Variants in MARK2 observed in about 807,000 individuals in gnomAD.
The protein encoded by MARK2 is serine/threonine-protein kinase MARK2.
In MARK2, 16 loss-of-function variants were observed where a neutral mutation model predicts 89.8. The observed-to-expected ratio is 0.18, with a 90% confidence interval of 0.12 to 0.27. The LOEUF is 0.27. MARK2 is among the 10% of genes least tolerant of loss of function. The pLI, the probability that MARK2 is intolerant of heterozygous loss-of-function variation, is 1.00. For synonymous variants in MARK2, 382 were observed against 399.5 expected, an observed-to-expected ratio of 0.96 and a Z score of 0.52; for missense variants, 621 against 1,049.9, an observed-to-expected ratio of 0.59 and a Z score of 5.65.
intron 1 of MARK2, among the ~76,000 whole-genome samples, chr11:63,878,765 G>A (rs967512948): frequency 3.3e-5 from 5 of 151,990 alleles, no homozygotes; most frequent in Admixed American, 1.3e-4. Flanking sequence ...ATCTGTTCCC[G>A]GGTCCTGAGT....
rs370774559 is a variant in MARK2, at chr11:63,904,076, G to A, written c.1605G>A (p.Ser535=). 13 of 1,606,256 alleles carry A rather than the reference G, an allele frequency of 8.1e-6. No individual in the cohort carries two copies. Among genetic ancestry groups the A allele is most frequent in the East Asian group, 2.2e-5 (1 of 44,808 alleles). The part of the protein sequence containing the change: ...ARPRQHQKSM[S]ASVHPNKASG... ...CCCGCCAGCACCAGAAATCCATGTC[G>A]GCCTCCGTGCACCCCAACAAGGCCT... Residue 535 remains serine (S), a synonymous_variant, in exon 15 of 19, where the codon TCG becomes TCA. Transcript: ENST00000402010. This position sits in a 1 kb window ranked among gnomAD's most constrained non-coding sequence, Gnocchi z 6.3.
rs574358284 is a variant in MARK2, at chr11:63,910,147, C to A, written c.*910C>A. On this transcript the variant is annotated 3_prime_UTR_variant, in exon 19 of 19. Coordinates refer to ENST00000402010, the MANE Select transcript of MARK2 (RefSeq NM_001039469.3). ...AGGGGGCCGCTTGGGCTGTTGGTCT[C>A]CAGAGCAGGGCCACTGGGCACTCTG... is the stretch of plus-strand genomic sequence containing the variant. 1 of 152,382 alleles carries A rather than the reference C, an allele frequency of 6.6e-6. No individual in the cohort carries two copies. The highest frequency in any genetic ancestry group is 1.5e-5 in the Non-Finnish European group (1 of 68,170). The allele number at this position is 152,382 out of a possible 1,614,324, so 9.4% of individuals were successfully genotyped here.
intron 1 of MARK2, among the ~76,000 whole-genome samples, chr11:63,892,384 G>A (rs1377058132): frequency 4.6e-5 from 7 of 152,142 alleles, no homozygotes; most frequent in Non-Finnish European, 8.8e-5. Context: ...TGCTGCTGTC[G>A]TTTCTGCCTG....
chr11:63,905,866 C>T (rs1272917562), intron 16 of MARK2, among the ~76,000 whole-genome samples: 1 of 152,188 alleles, frequency 6.6e-6, no homozygotes, highest in Non-Finnish European at 1.5e-5. Context: ...GGAGCCAAAG[C>T]CACTGCCCCA....
At position 63,842,313 on chromosome 11, in the gene MARK2, T is replaced by A. The variant is rs183100726; in HGVS notation, c.54+2753T>A. Among the ~76,000 whole-genome samples, 287 of 151,030 alleles carry A rather than the reference T, an allele frequency of 1.9e-3. 1 individual carries two copies. The highest frequency in any genetic ancestry group is 6.7e-3 in the African/African-American group (274 of 41,040). On this transcript the variant is annotated intron_variant, in intron 1 of 18. Transcript: ENST00000402010. ...CTCACTGCAATCTCCGCCTCCTGGG[T>A]TCAAGCGATTCCCCTGCCTCAGCCT...
At position 63,903,369 on chromosome 11, in the gene MARK2, C is replaced by T; in HGVS notation, c.1514+211C>T. On this transcript the variant is annotated intron_variant, in intron 14 of 18. Transcript: ENST00000402010. This position sits in a 1 kb window ranked among gnomAD's most constrained non-coding sequence, Gnocchi z 5.1. ...CCTCTGACTGCTACTTGCAGTTTGC[C>T]AAGTGTGGGGCTGACCGTGGCCATC... 1 of 573,018 alleles carries T rather than the reference C, an allele frequency of 1.7e-6. No individual in the cohort carries two copies. The highest frequency in any genetic ancestry group is 2.0e-5 in the South Asian group (1 of 50,970). The allele number at this position is 573,018 out of a possible 1,614,324, so 35.5% of individuals were successfully genotyped here.
intron 1 of MARK2, among the ~76,000 whole-genome samples, chr11:63,861,413 C>T (rs112249676): frequency 0.093 from 14,119 of 151,866 alleles, 908 homozygotes; most frequent in South Asian, 0.22. Context: ...CCTGCCTGGG[C>T]GACAGAGCGA....
At chr11:63,877,100 CTTTTTTTTTTTTTTTTT>C (rs757123411) in intron 1 of MARK2, among the ~76,000 whole-genome samples, 1 of 79,472 alleles carries the variant, frequency 1.3e-5, no homozygotes, top group East Asian at 6.2e-4. Flanking sequence ...CAATCAGACT[CTTTTTTTTTTTTTTTTT>C]TTTTTTTTTT....
At chr11:63,896,880 G>A (rs951736892) in intron 3 of MARK2, among the ~76,000 whole-genome samples, 1 of 152,024 alleles carries the variant, frequency 6.6e-6, no homozygotes, top group Non-Finnish European at 1.5e-5. Context: ...CGTAATAATC[G>A]CCAGTCCACC....
intron 1 of MARK2, among the ~76,000 whole-genome samples, chr11:63,861,763 CAG>C (rs1937799218): frequency 7.9e-6 from 1 of 126,812 alleles, no homozygotes; most frequent in Non-Finnish European, 1.6e-5. Flanking sequence ...TTTTTTGAGA[CAG>C]AGTCTCGCTC....
chr11:63,843,651 G>C (rs769690839), intron 1 of MARK2, among the ~76,000 whole-genome samples: 43 of 151,534 alleles, frequency 2.8e-4, no homozygotes, highest in Admixed American at 1.2e-3. Flanking sequence ...TTGACACAGA[G>C]TCTTGCTCTG....
In MARK2 at chr11:63,901,433, G is replaced by GTGTGTGTGTGTGTGTGTCTC. The variant is rs1227879149; in HGVS notation, c.1101+367_1101+368insGTGTGTGTGTGTGTCTCTGT. Reference sequence around the variant, plus strand: ...AGTGTACATTTCTGGGTGTGTGTGTGTGTCTCTGTGTGTGTCTGATCGGAA... The same window carrying GTGTGTGTGTGTGTGTGTCTC: ...AGTGTACATTTCTGGGTGTGTGTGTGTGTGTGTGTGTGTGTGTCTCTGTCTCTGTGTGTGTCTGATCGGAA... On this transcript the variant is annotated intron_variant, in intron 11 of 18. Transcript: ENST00000402010. Among the ~76,000 whole-genome samples the GTGTGTGTGTGTGTGTGTCTC allele has an allele frequency of 3.5e-5, 5 of 142,004 alleles. No homozygotes were observed. In the East Asian group the frequency reaches 1.0e-3, roughly 29 times the overall value. The allele number at this position is 142,004 out of a possible 152,430, so 93.2% of individuals were successfully genotyped here. A position where few individuals can be genotyped will look rare whatever the true frequency, so the allele number is the denominator to read the frequency against.
chr11:63,841,788 G>C (rs893230424), intron 1 of MARK2, among the ~76,000 whole-genome samples: 4 of 152,188 alleles, frequency 2.6e-5, no homozygotes, highest in African/African-American at 9.7e-5. Context: ...TGGTTTCTTT[G>C]TGCTGCTTAC....
At chr11:63,908,363 C>G (rs1330142712) in intron 18 of MARK2, 59 bp downstream of exon 18, 1 of 1,381,648 alleles carries the variant, frequency 7.2e-7, no homozygotes, top group Non-Finnish European at 1.0e-6. Context: ...CCACAGCCTC[C>G]TGCTCCTCTC....
intron 1 of MARK2, among the ~76,000 whole-genome samples, chr11:63,861,206 C>T (rs112454069): frequency 3.7e-4 from 56 of 152,162 alleles, no homozygotes; most frequent in Middle Eastern, 3.4e-3. Context: ...GAGGCTAAGG[C>T]GGGCGGATCA....
chr11:63,846,904 C>T (rs1161221482), intron 1 of MARK2, among the ~76,000 whole-genome samples: 2 of 152,206 alleles, frequency 1.3e-5, no homozygotes, highest in African/African-American at 4.8e-5. Context: ...GATCCACCCA[C>T]CTCGGCCTCC....
chr11:63,879,448 G>T (rs911698515), intron 1 of MARK2, among the ~76,000 whole-genome samples: 1 of 152,096 alleles, frequency 6.6e-6, no homozygotes, highest in Non-Finnish European at 1.5e-5. Context: ...AGCTACCCTT[G>T]TCTTCTGTGA....
intron 1 of MARK2, among the ~76,000 whole-genome samples, chr11:63,883,643 G>C (rs1447429328): frequency 3.3e-5 from 5 of 151,970 alleles, no homozygotes; most frequent in Non-Finnish European, 7.4e-5. Context: ...GCAGCAGTGT[G>C]ATCACGGCTC....
Position 63,864,734 on chromosome 11 carries a change from T to C in MARK2, c.54+25174T>C, listed in dbSNP as rs564427655. On this transcript the variant is annotated intron_variant, in intron 1 of 18. Transcript: ENST00000402010. ...TTAAGGTATCACTTAGGGCTGGATG[T>C]AGTCGGTGGCTCACAGCTGTATTCT... Among the ~76,000 whole-genome samples, 3 of 151,326 alleles carry C rather than the reference T, an allele frequency of 2.0e-5. No homozygotes were observed. The South Asian group carries it at 6.3e-4, about 32-fold the overall frequency.
Sources: allele counts gnomAD v4.1 joint callset (sites outside exome capture counted in the v4.1 genomes callset), GRCh38; gene constraint gnomAD v4.1.1; non-coding constraint Gnocchi (gnomAD v3.1); transcripts MANE v1.5; gene names NCBI Gene and HGNC (gene_info 2026-07-23, HGNC 2026-07-21).